Variants in CLTCL1 observed in about 807,000 individuals in gnomAD.
CLTCL1 encodes the protein clathrin heavy chain 2.
A neutral mutation model predicts 190.0 loss-of-function variants in CLTCL1; 159 were observed. The observed-to-expected ratio is 0.84, with a 90% CI of 0.74 to 0.95. The LOEUF (loss-of-function observed/expected upper bound fraction) is 0.95, where lower values mean the gene tolerates loss of function less well. CLTCL1 is among the 40% of genes least tolerant of loss of function. The pLI is 0.00. For synonymous variants in CLTCL1, 752 were observed against 769.6 expected, an observed-to-expected ratio of 0.98 and a Z score of 0.38; for missense variants, 1,878 against 2,033.4, an observed-to-expected ratio of 0.92 and a Z score of 1.47.
At chr22:19,282,364 G>A (rs1601737779) in intron 1 of CLTCL1, among the ~76,000 whole-genome samples, 4 of 149,030 alleles carry the variant, frequency 2.7e-5, no homozygotes, top group South Asian at 2.1e-4. Flanking sequence ...GGGTTCGGGC[G>A]CAGTGGGTCA....
At chr22:19,210,622 T>A in intron 19 of CLTCL1, 113 bp from the exon 20 acceptor site, 1 of 704,082 alleles carries the variant, frequency 1.4e-6, no homozygotes, top group Non-Finnish European at 2.3e-6. Flanking sequence ...GTAATTAATA[T>A]ACACACACAT....
intron 24 of CLTCL1, among the ~76,000 whole-genome samples, chr22:19,197,432 C>T (rs1179619968): frequency 6.6e-6 from 1 of 152,192 alleles, no homozygotes; most frequent in African/African-American, 2.4e-5. Context: ...AGCTCCATCC[C>T]ACCTGCTTGC....
At chr22:19,200,108 G>A (rs573270981) in intron 23 of CLTCL1, among the ~76,000 whole-genome samples, 31 of 152,318 alleles carry the variant, frequency 2.0e-4, no homozygotes, top group African/African-American at 6.0e-4. Context: ...GTTTTGTTCA[G>A]GTGGCGGGAA....
chr22:19,239,752 T>C lies in CLTCL1; in HGVS notation c.682-364A>G, dbSNP rs5748062. Among the ~76,000 whole-genome samples the C allele has an allele frequency of 9.4e-3, 1,426 of 152,238 alleles. 33 individuals are homozygous for C. Among genetic ancestry groups the C allele is most frequent in the East Asian group, 0.068 (350 of 5,174 alleles). On this transcript the variant is annotated intron_variant, in intron 4 of 32. Coordinates refer to ENST00000427926, the MANE Select transcript of CLTCL1 (RefSeq NM_007098.4). The stretch of plus-strand genomic sequence containing the variant: ...CCTTTCTGGGTATGGCCCAGACTCA[T>C]ACAAGCCTGTTAGTGCAAGATCTCA...
intron 27 of CLTCL1, 86 bp downstream of exon 27, chr22:19,191,218 A>C: frequency 6.5e-7 from 1 of 1,537,834 alleles, no homozygotes; most frequent in Non-Finnish European, 8.8e-7. Context: ...TCATTTCAAA[A>C]ACTCTTTATA....
chr22:19,194,951 A>G (rs1417016512), intron 26 of CLTCL1, among the ~76,000 whole-genome samples: 1 of 152,184 alleles, frequency 6.6e-6, no homozygotes, highest in Non-Finnish European at 1.5e-5. Context: ...CATGAATCAC[A>G]CAAGGAACTG....
intron 26 of CLTCL1, 89 bp from the exon 27 acceptor site, chr22:19,191,524 C>T: frequency 2.7e-6 from 4 of 1,502,542 alleles, no homozygotes; most frequent in Non-Finnish European, 3.6e-6. Flanking sequence ...TGACACTTTA[C>T]TACTGAGGCC....
In CLTCL1 at chr22:19,235,776, G is replaced by A. The variant is rs782711541; in HGVS notation, c.889C>T (p.Arg297Cys). The A allele has an allele frequency of 1.4e-5, 23 of 1,613,798 alleles. No individual in the cohort carries two copies. Among genetic ancestry groups the A allele is most frequent in the Admixed American group, 8.3e-5 (5 of 59,984 alleles). The change falls in exon 6 of 33, where the codon CGT becomes TGT. Residue 297 changes from arginine to cysteine, a missense_variant. By Grantham distance (180) the Arg-to-Cys change is radical. Transcript: ENST00000427926. ...ACAAATATTGTGTCAGCACTAATAC[G>A]GTTCATGCAGATGCACACGCCAGAC... ...LESGVCICMN[R>C]ISADTIFVTA...
intron 3 of CLTCL1, among the ~76,000 whole-genome samples, chr22:19,251,550 G>A (rs528996750): frequency 1.4e-4 from 22 of 152,248 alleles, no homozygotes; most frequent in Non-Finnish European, 2.5e-4. Context: ...TCCGCCTCCC[G>A]GGTTCATGCC....
chr22:19,261,356 C>T (rs925452899), intron 2 of CLTCL1, among the ~76,000 whole-genome samples: 2 of 152,072 alleles, frequency 1.3e-5, no homozygotes, highest in South Asian at 2.1e-4. Context: ...GTGATCCACC[C>T]GCCTCAGCCT....
chr22:19,205,881 G>A (rs2283645), intron 22 of CLTCL1, among the ~76,000 whole-genome samples: 13,135 of 150,922 alleles, frequency 0.087, 962 homozygotes, highest in East Asian at 0.42. Flanking sequence ...AGAATTACAT[G>A]ATGAACTTTT....
Position 19,196,298 on chromosome 22 carries a change from T to C in CLTCL1, c.4159A>G (p.Lys1387Glu), listed in dbSNP as rs1569156768. 2 of 1,613,836 alleles carry C rather than the reference T, an allele frequency of 1.2e-6. No individual in the cohort carries two copies. Among genetic ancestry groups the C allele is most frequent in the Non-Finnish European group, 1.7e-6 (2 of 1,179,862 alleles). ...ATGATGTCCTTGAACTGACCCTCCT[T>C]CCAGGCCTCAGTGGGGTGGCTCATC... ...TMMSHPTEAW[K>E]EGQFKDIITK... Residue 1387 changes from lysine to glutamate, a missense_variant, in exon 26 of 33, where the codon AAG (lysine) becomes GAG (glutamate). Coordinates refer to ENST00000427926, the MANE Select transcript of CLTCL1 (RefSeq NM_007098.4).
intron 21 of CLTCL1, among the ~76,000 whole-genome samples, chr22:19,208,705 A>G (rs1241865501): frequency 6.6e-6 from 1 of 151,860 alleles, no homozygotes; most frequent in Non-Finnish European, 1.5e-5. Flanking sequence ...AAATGACCTC[A>G]TCTTGTAAAG....
intron 5 of CLTCL1, among the ~76,000 whole-genome samples, chr22:19,237,140 A>T (rs2086105809): frequency 6.6e-6 from 1 of 152,172 alleles, no homozygotes; most frequent in Non-Finnish European, 1.5e-5. Context: ...TACATCAGAC[A>T]CTTAGTACTC....
intron 10 of CLTCL1, among the ~76,000 whole-genome samples, chr22:19,230,899 A>T (rs1402769104): frequency 6.6e-6 from 1 of 152,114 alleles, no homozygotes; most frequent in Non-Finnish European, 1.5e-5. Context: ...GTCGGGGAAC[A>T]CCATCTAATC....
Position 19,198,033 on chromosome 22 carries a change from CG to C in CLTCL1, c.3874-1378del, listed in dbSNP as rs1459441199. On this transcript the variant is annotated intron_variant, in intron 24 of 32. Coordinates refer to ENST00000427926, the MANE Select transcript of CLTCL1 (RefSeq NM_007098.4). The surrounding 1 kb of genome is among the most constrained non-coding windows in gnomAD (Gnocchi z 4.1). Reference sequence around the variant, plus strand: ...ATGATGCCCCCACCTGAACATCCAGCGGGCAGCTCAAGACTTAGCACCATGT... The same window carrying C: ...ATGATGCCCCCACCTGAACATCCAGCGGCAGCTCAAGACTTAGCACCATGT... Among the ~76,000 whole-genome samples, 1 of 152,190 alleles carries C rather than the reference CG, an allele frequency of 6.6e-6. No individual in the cohort carries two copies. The highest frequency in any genetic ancestry group is 1.5e-5 in the Non-Finnish European group (1 of 68,044).
intron 22 of CLTCL1, 28 bp from the exon 23 acceptor site, chr22:19,201,521 G>C: frequency 6.3e-7 from 1 of 1,593,664 alleles, no homozygotes; most frequent in East Asian, 2.3e-5. Flanking sequence ...GCTCGACTGA[G>C]ACACTCTTCA....
At chr22:19,259,285 T>C (rs2086865803) in intron 2 of CLTCL1, among the ~76,000 whole-genome samples, 1 of 152,126 alleles carries the variant, frequency 6.6e-6, no homozygotes, top group Non-Finnish European at 1.5e-5. Flanking sequence ...TTTGTATTTT[T>C]AGTAGAGACG....
intron 1 of CLTCL1, among the ~76,000 whole-genome samples, chr22:19,280,543 G>C (rs1228382874): frequency 5.3e-5 from 8 of 152,102 alleles, no homozygotes; most frequent in African/African-American, 1.9e-4. Context: ...CCAAGGTCTG[G>C]TGAGATGGCT....
Sources: allele counts gnomAD v4.1 joint callset (sites outside exome capture counted in the v4.1 genomes callset), GRCh38; gene constraint gnomAD v4.1.1; non-coding constraint Gnocchi (gnomAD v3.1); transcripts MANE v1.5; gene names NCBI Gene and HGNC (gene_info 2026-07-23, HGNC 2026-07-21).